PPM1H: variants seen among roughly 807,000 people sequenced by gnomAD.
The protein encoded by PPM1H is protein phosphatase 1H.
PPM1H carries 27 observed loss-of-function variants against 54.9 expected under a neutral mutation model. That is an observed-to-expected ratio of 0.49 (90% CI 0.36 to 0.68). The LOEUF (loss-of-function observed/expected upper bound fraction) is 0.68, where lower values mean the gene tolerates loss of function less well. Among genes scored for constraint, PPM1H ranks in the 30% least tolerant of loss-of-function variants. The probability of loss-of-function intolerance (pLI) is 0.00; values close to 1 mark genes in which losing one functional copy is unlikely to be tolerated. For synonymous variants in PPM1H, 305 were observed against 270.8 expected (o/e 1.13, Z -1.24); for missense variants, 596 against 667.8 (o/e 0.89, Z 1.19).
chr12:62,888,747 T>C (rs940175998), intron 1 of PPM1H, among the ~76,000 whole-genome samples: 2 of 152,222 alleles, frequency 1.3e-5, no homozygotes, highest in African/African-American at 4.8e-5. Flanking sequence ...GAATGGAATA[T>C]AAGGTAAAAC....
intron 8 of PPM1H, among the ~76,000 whole-genome samples, chr12:62,670,197 G>A (rs1384060036): frequency 4.0e-5 from 6 of 151,668 alleles, no homozygotes; most frequent in Non-Finnish European, 8.8e-5. Context: ...GGCTGGTCTC[G>A]AACTCCCGAC....
At chr12:62,654,130 G>C (rs2075830743) in intron 9 of PPM1H, among the ~76,000 whole-genome samples, 1 of 150,672 alleles carries the variant, frequency 6.6e-6, no homozygotes, top group South Asian at 2.1e-4. Flanking sequence ...AGCTACTCGG[G>C]AGGCTGAGGT....
intron 2 of PPM1H, among the ~76,000 whole-genome samples, chr12:62,829,065 A>T (rs887136339): frequency 6.6e-6 from 1 of 152,194 alleles, no homozygotes; most frequent in Non-Finnish European, 1.5e-5. Flanking sequence ...ATTAAACAGA[A>T]TTATCACATA....
chr12:62,859,921 G>A (rs1053324859), intron 1 of PPM1H, among the ~76,000 whole-genome samples: 3 of 152,202 alleles, frequency 2.0e-5, no homozygotes, highest in Non-Finnish European at 2.9e-5. Context: ...TACAGCATGC[G>A]CTAACAGAGA....
chr12:62,847,016 C>T (rs1868997290), intron 1 of PPM1H, among the ~76,000 whole-genome samples: 1 of 152,132 alleles, frequency 6.6e-6, no homozygotes, highest in Admixed American at 6.5e-5. Flanking sequence ...ATCATCTTTC[C>T]TTCCCACCCT....
intron 4 of PPM1H, among the ~76,000 whole-genome samples, chr12:62,777,365 T>C (rs888742563): frequency 1.3e-5 from 2 of 152,164 alleles, no homozygotes; most frequent in Non-Finnish European, 2.9e-5. Flanking sequence ...TGACTACAAG[T>C]AGAAGAGGAC....
At chr12:62,822,758 A>G (rs148081206) in intron 2 of PPM1H, among the ~76,000 whole-genome samples, 2,997 of 152,312 alleles carry the variant, frequency 0.02, 106 homozygotes, top group African/African-American at 0.066. Flanking sequence ...GTAGAGGGAA[A>G]TTTATAGCAC....
chr12:62,810,322 T>C (rs1054233730), intron 2 of PPM1H, among the ~76,000 whole-genome samples: 1 of 152,142 alleles, frequency 6.6e-6, no homozygotes, highest in African/African-American at 2.4e-5. Context: ...TGAGGCCAAG[T>C]GTGCCAAGCA....
At chr12:62,869,080 C>T (rs573136073) in intron 1 of PPM1H, among the ~76,000 whole-genome samples, 150 of 152,304 alleles carry the variant, frequency 9.8e-4, no homozygotes, top group Non-Finnish European at 1.8e-3. Flanking sequence ...GGAGGTACAC[C>T]TTGCTGTATA....
At chr12:62,802,286 T>A in intron 2 of PPM1H, 126 bp from the exon 3 acceptor site, 2 of 677,694 alleles carry the variant, frequency 3.0e-6, no homozygotes, top group Non-Finnish European at 4.6e-6. Context: ...AACAATGCGG[T>A]CAAAACATAG....
At chr12:62,848,457 A>G (rs1338232854) in intron 1 of PPM1H, among the ~76,000 whole-genome samples, 1 of 152,210 alleles carries the variant, frequency 6.6e-6, no homozygotes, top group African/African-American at 2.4e-5. Context: ...GGCAAGCTAT[A>G]TTTAGAATTC....
At position 62,648,421 on chromosome 12, in the gene PPM1H, C is replaced by T; in HGVS notation, c.*68G>A. On this transcript the variant is annotated 3_prime_UTR_variant, in exon 10 of 10. Transcript: ENST00000228705. The stretch of plus-strand genomic sequence containing the variant: ...CTTGGAACTCAGCTGGGGCACTTCC[C>T]AGTTCCGTCCTGCCAAGAGGCATCC... 1.3e-6 allele frequency: 2 copies of T among 1,575,712 alleles called. No homozygotes were observed. The highest frequency in any genetic ancestry group is 8.7e-7 in the Non-Finnish European group (1 of 1,154,418).
intron 8 of PPM1H, among the ~76,000 whole-genome samples, chr12:62,673,715 CTTTTTTT>C (rs567775927): frequency 0.25 from 10,637 of 41,872 alleles, 863 homozygotes; most frequent in East Asian, 0.4. Flanking sequence ...AAGAGCCACT[CTTTTTTT>C]TTTTTTTTTT....
chr12:62,747,382 C>T (rs1312061224), intron 4 of PPM1H, among the ~76,000 whole-genome samples: 1 of 152,102 alleles, frequency 6.6e-6, no homozygotes, highest in African/African-American at 2.4e-5. Flanking sequence ...GTGATCCACC[C>T]GCCTCGGCCT....
At chr12:62,824,876 G>T (rs1252411947) in intron 2 of PPM1H, among the ~76,000 whole-genome samples, 1 of 152,106 alleles carries the variant, frequency 6.6e-6, no homozygotes, top group East Asian at 1.9e-4. Flanking sequence ...AAAAGCAATG[G>T]CAACAAAAGC....
intron 1 of PPM1H, among the ~76,000 whole-genome samples, chr12:62,927,767 C>G (rs1418091513): frequency 1.3e-5 from 2 of 151,486 alleles, no homozygotes; most frequent in East Asian, 3.9e-4. Context: ...GACATGTAAA[C>G]ATATGATCAG....
intron 1 of PPM1H, among the ~76,000 whole-genome samples, chr12:62,847,994 C>T (rs898691681): frequency 5.3e-5 from 8 of 152,074 alleles, no homozygotes; most frequent in Admixed American, 5.2e-4. Context: ...CAGAATCCTG[C>T]CTATGGTAAG....
intron 6 of PPM1H, among the ~76,000 whole-genome samples, chr12:62,700,025 C>T (rs191923062): frequency 6.6e-6 from 1 of 152,306 alleles, no homozygotes; most frequent in East Asian, 1.9e-4. Context: ...GGCTCTCTCA[C>T]TGCCCTTCTG....
At chr12:62,652,712 C>T (rs1321249430) in intron 9 of PPM1H, among the ~76,000 whole-genome samples, 1 of 152,104 alleles carries the variant, frequency 6.6e-6, no homozygotes, top group Non-Finnish European at 1.5e-5. Flanking sequence ...AATAAAAGGA[C>T]CTTAGAATGC....
Sources: allele counts gnomAD v4.1 joint callset (sites outside exome capture counted in the v4.1 genomes callset), GRCh38; gene constraint gnomAD v4.1.1; transcripts MANE v1.5; gene names NCBI Gene and HGNC (gene_info 2026-07-23, HGNC 2026-07-21).